Variants in GMDS observed in about 807,000 individuals in gnomAD.
GMDS encodes GDP-mannose 4,6 dehydratase.
In GMDS, 20 loss-of-function variants were observed where a neutral mutation model predicts 49.9. The observed-to-expected ratio is 0.40, with a 90% CI of 0.28 to 0.58. GMDS has a LOEUF of 0.58. GMDS is among the 20% of genes least tolerant of loss of function. The pLI is 0.42. For synonymous variants in GMDS, 177 were observed against 178.6 expected (o/e 0.99, Z 0.07); for missense variants, 362 against 481.4 (o/e 0.75, Z 2.32).
intron 7 of GMDS, among the ~76,000 whole-genome samples, chr6:1,893,717 G>T (rs896492772): frequency 2.0e-5 from 3 of 152,224 alleles, no homozygotes; most frequent in Admixed American, 1.3e-4. Flanking sequence ...TGAATAAGGT[G>T]TATTGAAGCT....
At chr6:2,076,382 C>G (rs905296565) in intron 4 of GMDS, among the ~76,000 whole-genome samples, 2 of 150,028 alleles carry the variant, frequency 1.3e-5, no homozygotes, top group African/African-American at 4.8e-5. Flanking sequence ...CTACCAATGA[C>G]TTTCTTCACA....
At chr6:1,713,111 C>T (rs1766031406) in intron 9 of GMDS, among the ~76,000 whole-genome samples, 1 of 152,236 alleles carries the variant, frequency 6.6e-6, no homozygotes, top group Non-Finnish European at 1.5e-5. Context: ...TGTGGTAGAT[C>T]CATAGTGGCC....
intron 7 of GMDS, among the ~76,000 whole-genome samples, chr6:1,805,178 G>A (rs1729558550): frequency 6.6e-6 from 1 of 152,198 alleles, no homozygotes; most frequent in South Asian, 2.1e-4. Context: ...TCTTTGAGAT[G>A]GTTCAATGCT....
intron 9 of GMDS, among the ~76,000 whole-genome samples, chr6:1,702,480 T>C (rs4478452): frequency 0.062 from 9,466 of 152,196 alleles, 708 homozygotes; most frequent in African/African-American, 0.17. Flanking sequence ...TTTCACTGTA[T>C]GTGGGAGGAG....
At chr6:2,070,388 T>G (rs567294608) in intron 4 of GMDS, among the ~76,000 whole-genome samples, 345 of 152,004 alleles carry the variant, frequency 2.3e-3, no homozygotes, top group African/African-American at 8.1e-3. Context: ...CTGCACATTG[T>G]GCACATGTAC....
intron 6 of GMDS, chr6:1,930,515 C>A: frequency 3.7e-6 from 1 of 270,016 alleles, no homozygotes; most frequent in African/African-American, 2.2e-5. Flanking sequence ...ATATGCAACC[C>A]AGGCATTAGG....
chr6:2,104,176 CTG>C (rs1774087989), intron 4 of GMDS, among the ~76,000 whole-genome samples: 1 of 152,208 alleles, frequency 6.6e-6, no homozygotes, highest in Admixed American at 6.5e-5. Flanking sequence ...CAGCCCTTCA[CTG>C]TCTCTTTATT....
chr6:2,079,970 A>G (rs1772579804), intron 4 of GMDS, among the ~76,000 whole-genome samples: 1 of 152,178 alleles, frequency 6.6e-6, no homozygotes, highest in Non-Finnish European at 1.5e-5. Context: ...ATAGTATCCC[A>G]TATGTCTCGA....
chr6:1,827,463 A>G (rs1771179878), intron 7 of GMDS, among the ~76,000 whole-genome samples: 1 of 147,580 alleles, frequency 6.8e-6, no homozygotes, highest in Non-Finnish European at 1.5e-5. Flanking sequence ...GTTTTGGAAA[A>G]CCTGTATATA....
At chr6:1,671,784 C>G (rs1764440005) in intron 9 of GMDS, among the ~76,000 whole-genome samples, 1 of 151,274 alleles carries the variant, frequency 6.6e-6, no homozygotes, top group African/African-American at 2.4e-5. Context: ...CCTGCCTCAG[C>G]CTCCCGAATA....
At chr6:1,749,122 C>T (rs751186397) in intron 7 of GMDS, among the ~76,000 whole-genome samples, 3 of 152,158 alleles carry the variant, frequency 2.0e-5, no homozygotes, top group Non-Finnish European at 2.9e-5. Context: ...TGCCCCAGGA[C>T]GTGGCTGCCA....
At chr6:1,989,394 G>A (rs1331545075) in intron 4 of GMDS, among the ~76,000 whole-genome samples, 1 of 152,180 alleles carries the variant, frequency 6.6e-6, no homozygotes, top group Non-Finnish European at 1.5e-5. Context: ...GGAAAAAAGA[G>A]AGAGAGATAA....
intron 4 of GMDS, among the ~76,000 whole-genome samples, chr6:2,036,213 T>A (rs186493389): frequency 6.6e-6 from 1 of 152,240 alleles, no homozygotes; most frequent in Non-Finnish European, 1.5e-5. Context: ...CTTAATTAAA[T>A]GGTGAAATAA....
chr6:2,221,626 G>A (rs902258568), intron 1 of GMDS, among the ~76,000 whole-genome samples: 9 of 152,202 alleles, frequency 5.9e-5, no homozygotes, highest in African/African-American at 2.2e-4. Flanking sequence ...CTGACCTCGT[G>A]ATCCGACTGC....
chr6:1,844,662 G>GTCTT (rs1757306923), intron 7 of GMDS, among the ~76,000 whole-genome samples: 1 of 152,104 alleles, frequency 6.6e-6, no homozygotes, highest in South Asian at 2.1e-4. Context: ...TTTTAGCAGT[G>GTCTT]TCTTCTCTTG....
chr6:1,775,569 G>GT (rs1468689022), intron 7 of GMDS, among the ~76,000 whole-genome samples: 18 of 152,204 alleles, frequency 1.2e-4, no homozygotes, highest in Non-Finnish European at 2.2e-4. Context: ...TTGACCTCAT[G>GT]TTTAGCAGGG....
rs548962040 is a variant in GMDS at position 1,777,061 on chromosome 6, C to A, written c.772-34475G>T. ...CGGCTTTAGACACTAATTCTAGGCA[C>A]ATTTTACCCTGTAAAATTTGGCATA... On this transcript the variant is annotated intron_variant, in intron 7 of 10. Coordinates refer to ENST00000380815, the MANE Select transcript of GMDS (RefSeq NM_001500.4). Among the ~76,000 whole-genome samples, 10 of 152,304 alleles carry A rather than the reference C, an allele frequency of 6.6e-5. No homozygotes were observed. The South Asian group carries it at 1.9e-3, about 28-fold the overall frequency.
chr6:2,188,159 A>G (rs1319390770), intron 1 of GMDS, among the ~76,000 whole-genome samples: 1 of 152,224 alleles, frequency 6.6e-6, no homozygotes, highest in Non-Finnish European at 1.5e-5. Flanking sequence ...AGCATCAAGA[A>G]GCACACACAG....
chr6:1,719,953 A>G (rs1250956467), intron 9 of GMDS, among the ~76,000 whole-genome samples: 1 of 152,230 alleles, frequency 6.6e-6, no homozygotes, highest in Non-Finnish European at 1.5e-5. Context: ...CTTTATGGAA[A>G]AAAGGTACAG....
Sources: gnomAD v4.1 joint callset for allele counts (sites outside exome capture counted in the v4.1 genomes callset) on GRCh38, gnomAD v4.1.1 for gene constraint, MANE v1.5 for transcripts, NCBI Gene and HGNC (gene_info 2026-07-23, HGNC 2026-07-21) for gene names.